Variants in SLC44A2 observed in about 807,000 individuals in gnomAD.
SLC44A2 encodes solute carrier family 44 member 2 (CTL2 blood group), also known as choline transporter-like protein 2.
SLC44A2 carries 57 observed loss-of-function variants against 90.8 expected under a neutral mutation model. That is an observed-to-expected ratio of 0.63 (90% CI 0.51 to 0.78). SLC44A2 has a LOEUF of 0.78. Ranked by LOEUF, SLC44A2 falls within the 30% of genes least tolerant of loss-of-function variation. The pLI is 0.00. For synonymous variants in SLC44A2, 355 were observed against 360.7 expected (o/e 0.98, Z 0.18); for missense variants, 794 against 919.7 (o/e 0.86, Z 1.77).
At chr19:10,614,712 G>C (rs1051724901) in intron 1 of SLC44A2, among the ~76,000 whole-genome samples, 1 of 151,430 alleles carries the variant, frequency 6.6e-6, no homozygotes, top group Non-Finnish European at 1.5e-5. Flanking sequence ...GGCTCACGCC[G>C]ATAATCCCAG....
At position 10,606,865 on chromosome 19, in the gene SLC44A2, A is replaced by ATATGTATG. The variant is rs35957648; in HGVS notation, c.31+4321_31+4328dup. 2.0e-3 allele frequency among the ~76,000 whole-genome samples: 294 copies of ATATGTATG among 143,694 alleles called. 1 individual carries two copies. The highest frequency in any genetic ancestry group is 0.02 in the East Asian group (98 of 4,952). 94.3% of individuals were successfully genotyped at this position (143,694 alleles called of 152,430 possible). On this transcript the variant is annotated intron_variant, in intron 1 of 21. Transcript: ENST00000407327. ...AATATATATATACACATACACATAT[A>ATATGTATG]TATGTATGTATGTATGTATGTATGA...
upstream of SLC44A2, among the ~76,000 whole-genome samples, chr19:10,620,898 G>T (rs530548984): frequency 6.3e-4 from 96 of 152,226 alleles, 1 homozygote; most frequent in Middle Eastern, 3.4e-3. Flanking sequence ...AATTAGGCAG[G>T]CATGGTGGTG....
At position 10,635,998 on chromosome 19, in the gene SLC44A2, C is replaced by T. The variant is rs560387435; in HGVS notation, c.1234-325C>T. The T allele has an allele frequency of 9.1e-4, 291 of 321,200 alleles. 1 individual carries two copies. The highest frequency in any genetic ancestry group is 5.8e-3 in the African/African-American group (264 of 45,880). 19.9% of individuals were successfully genotyped at this position (321,200 alleles called of 1,614,324 possible). ...TTCACCATGTTAGCCAGGATGGTCT[C>T]GATCTCCTGACCTCGTGATCCACCT... On this transcript the variant is annotated intron_variant, in intron 14 of 21. Coordinates refer to ENST00000335757, the MANE Select transcript of SLC44A2 (RefSeq NM_020428.4).
Position 10,635,058 on chromosome 19 carries a change from T to C in SLC44A2, c.1040T>C (p.Ile347Thr). 6.2e-7 allele frequency: 1 copy of C among 1,614,126 alleles called. No homozygotes were observed. Among genetic ancestry groups the C allele is most frequent in the Non-Finnish European group, 8.5e-7 (1 of 1,180,016 alleles). ...RKRILIAIALIKEASRAVGYV... is the reference protein window; with the variant it reads ...RKRILIAIALTKEASRAVGYV... Reference sequence around the variant, plus strand: ...AGAATTCTCATCGCGATTGCACTCATCAAAGAAGCCAGCAGGTGGGGGGCC... The same window carrying C: ...AGAATTCTCATCGCGATTGCACTCACCAAAGAAGCCAGCAGGTGGGGGGCC... Residue 347 changes from isoleucine to threonine, a missense_variant, in exon 12 of 22, where the codon ATC (isoleucine) becomes ACC (threonine). By Grantham distance (89) the Ile-to-Thr change is moderately conservative. Around this residue, in one of 3 missense-constraint regions of SLC44A2, gnomAD observed 738 missense variants for 841.1 expected, o/e 0.88. Transcript: ENST00000335757.
At chr19:10,628,867 C>T (rs1459262551) in intron 4 of SLC44A2, among the ~76,000 whole-genome samples, 1 of 152,090 alleles carries the variant, frequency 6.6e-6, no homozygotes, top group Middle Eastern at 3.2e-3. Context: ...AACAGTCCCA[C>T]CCTCATGGGG....
rs374017148 is a variant in SLC44A2, at chr19:10,643,272, T to G, written c.2015-7T>G. 6.2e-5 allele frequency: 99 copies of G among 1,607,880 alleles called. No homozygotes were observed. Among genetic ancestry groups the G allele is most frequent in the Non-Finnish European group, 7.8e-5 (92 of 1,176,736 alleles). ...CATGCCTCCTGCTCTGGGACCTCTCTCCACAGTGGAGGACCTGGAGAGGAA... is the reference window on the plus strand; with the variant it reads ...CATGCCTCCTGCTCTGGGACCTCTCGCCACAGTGGAGGACCTGGAGAGGAA... On this transcript the variant is annotated splice_polypyrimidine_tract_variant and splice_region_variant and intron_variant, in intron 21 of 21. Coordinates refer to ENST00000335757, the MANE Select transcript of SLC44A2 (RefSeq NM_020428.4).
At chr19:10,612,121 A>G (rs561139196) in intron 1 of SLC44A2, among the ~76,000 whole-genome samples, 1 of 152,116 alleles carries the variant, frequency 6.6e-6, no homozygotes, top group African/African-American at 2.4e-5. Context: ...TAATCCCAGC[A>G]CTTTGGGATG....
intron 16 of SLC44A2, 132 bp downstream of exon 16, chr19:10,636,888 G>A (rs778811242): frequency 1.0e-6 from 1 of 967,402 alleles, no homozygotes; most frequent in Non-Finnish European, 1.5e-6. Context: ...TCTATGACGG[G>A]GTGGAGTTCA....
chr19:10,635,617 CT>C, intron 14 of SLC44A2, 102 bp downstream of exon 14: 2 of 1,035,130 alleles, frequency 1.9e-6, no homozygotes, highest in South Asian at 2.9e-5. Context: ...CAATTGGCCC[CT>C]GTTGCATGTC....
upstream of SLC44A2, among the ~76,000 whole-genome samples, chr19:10,623,380 C>G (rs879619914): frequency 8.5e-5 from 13 of 152,050 alleles, no homozygotes; most frequent in African/African-American, 1.2e-4. Flanking sequence ...GCAGCAGCTA[C>G]AATTATTGGA....
At chr19:10,607,739 T>TTAG (rs1918151084) in intron 1 of SLC44A2, among the ~76,000 whole-genome samples, 1 of 131,648 alleles carries the variant, frequency 7.6e-6, no homozygotes, top group South Asian at 2.4e-4. Context: ...TCATTTATTA[T>TTAG]TATTATTATT....
intron 14 of SLC44A2, 124 bp from the exon 15 acceptor site, chr19:10,636,199 T>C: frequency 8.4e-7 from 1 of 1,191,114 alleles, no homozygotes; most frequent in Non-Finnish European, 1.2e-6. Flanking sequence ...TTCCTTCCCT[T>C]AACTTCAATC....
chr19:10,611,456 A>C (rs749365048), intron 1 of SLC44A2, among the ~76,000 whole-genome samples: 2 of 151,898 alleles, frequency 1.3e-5, no homozygotes, highest in Non-Finnish European at 2.9e-5. Context: ...TATTTCAAAA[A>C]ATAATAAATA....
chr19:10,637,986 G>A lies in SLC44A2; in HGVS notation c.1770-37G>A, dbSNP rs769943740. On this transcript the variant is annotated intron_variant, in intron 18 of 21. Coordinates refer to ENST00000335757, the MANE Select transcript of SLC44A2 (RefSeq NM_020428.4). ...CCCGCCTCTTCCCCTAGTCCCTGAA[G>A]CCAGCATTCACACCTGCCCCTCACT... is the stretch of plus-strand genomic sequence containing the variant. 2.5e-6 allele frequency: 4 copies of A among 1,613,882 alleles called. No homozygotes were observed. The East Asian group carries it at 6.7e-5, about 27-fold the overall frequency.
chr19:10,604,657 G>A lies in SLC44A2; in HGVS notation c.31+2096G>A, dbSNP rs934926472. On this transcript the variant is annotated intron_variant, in intron 1 of 21. Coordinates refer to the SLC44A2 transcript ENST00000407327. ...GAGCCGTGTGGCCCTGGGTGAGTCC[G>A]TGACCTCTCTGAAGCTCTGTGTCTT... Among the ~76,000 whole-genome samples the A allele has an allele frequency of 9.2e-5, 14 of 152,150 alleles. No homozygotes were observed. In the South Asian group the frequency reaches 1.0e-3, roughly 11 times the overall value.
chr19:10,633,395 C>T (rs1000465528), intron 10 of SLC44A2, among the ~76,000 whole-genome samples: 1 of 151,366 alleles, frequency 6.6e-6, no homozygotes, highest in African/African-American at 2.4e-5. Flanking sequence ...TCGACTTCCT[C>T]GTGATCTGCC....
At chr19:10,628,804 G>A (rs993765469) in intron 4 of SLC44A2, among the ~76,000 whole-genome samples, 4 of 152,098 alleles carry the variant, frequency 2.6e-5, no homozygotes, top group African/African-American at 9.7e-5. Context: ...ACCTAGGGCA[G>A]GTGTCTCAAT....
In SLC44A2 at chr19:10,609,146, C is replaced by A. The variant is rs569541123; in HGVS notation, c.31+6585C>A. Among the ~76,000 whole-genome samples, 8 of 151,294 alleles carry A rather than the reference C, an allele frequency of 5.3e-5. No individual in the cohort carries two copies. In the East Asian group the frequency reaches 1.4e-3, roughly 26 times the overall value. On this transcript the variant is annotated intron_variant, in intron 1 of 21. Transcript: ENST00000407327. ...CTAATTTTTGTATTTTTGGTAGAGACGGGGTTTCACCATATTGGCCAGGCT... is the reference window on the plus strand; with the variant it reads ...CTAATTTTTGTATTTTTGGTAGAGAAGGGGTTTCACCATATTGGCCAGGCT...
rs757261250 is a variant in SLC44A2, at chr19:10,636,486, T to C, written c.1397T>C (p.Val466Ala). The C allele has an allele frequency of 3.1e-6, 5 of 1,613,206 alleles. No individual in the cohort carries two copies. The highest frequency in any genetic ancestry group is 1.7e-5 in the Admixed American group (1 of 59,986). Reference protein sequence around the residue: ...LANFVLALGQVTLAGAFASYY... With the variant: ...LANFVLALGQATLAGAFASYY... ...AACTTCGTGCTGGCGCTGGGCCAGG[T>C]CACGCTGGCCGGGGCCTTTGCCTCC... The change falls in exon 15 of 22, where the codon GTC becomes GCC. Residue 466 changes from valine to alanine, a missense_variant. Val to Ala is a moderately conservative substitution (Grantham distance 64). Around this residue, in one of 3 missense-constraint regions of SLC44A2, gnomAD observed 738 missense variants for 841.1 expected, o/e 0.88. Coordinates refer to ENST00000335757, the MANE Select transcript of SLC44A2 (RefSeq NM_020428.4).
Sources: gnomAD v4.1 joint callset for allele counts (sites outside exome capture counted in the v4.1 genomes callset) on GRCh38, gnomAD v4.1.1 for gene constraint, gnomAD v4.1.1 regional missense constraint, MANE v1.5 for transcripts, NCBI Gene and HGNC (gene_info 2026-07-23, HGNC 2026-07-21) for gene names.